RNGTT: variants seen among roughly 807,000 people sequenced by gnomAD.
RNGTT encodes the protein mRNA-capping enzyme.
A neutral mutation model predicts 79.3 loss-of-function variants in RNGTT; 33 were observed. The observed-to-expected ratio is 0.42, with a 90% CI of 0.32 to 0.56. The LOEUF (loss-of-function observed/expected upper bound fraction) is 0.56. RNGTT is among the 20% of genes least tolerant of loss of function. The pLI, the probability that RNGTT is intolerant of heterozygous loss-of-function variation, is 0.17. For missense variants in RNGTT, 497 were observed against 739.1 expected (o/e 0.67, Z 3.80); for synonymous variants, 222 against 235.9 (o/e 0.94, Z 0.54).
chr6:88,814,124 T>C (rs1780235957), intron 11 of RNGTT, among the ~76,000 whole-genome samples: 1 of 152,104 alleles, frequency 6.6e-6, no homozygotes, highest in African/African-American at 2.4e-5. Flanking sequence ...GTTAGAGAAG[T>C]TTAAAAGTTG....
intron 13 of RNGTT, among the ~76,000 whole-genome samples, chr6:88,709,551 T>C (rs1160470048): frequency 6.6e-6 from 1 of 152,210 alleles, no homozygotes; most frequent in Non-Finnish European, 1.5e-5. Context: ...AGCACATATA[T>C]AATTTTAGAT....
intron 13 of RNGTT, among the ~76,000 whole-genome samples, chr6:88,769,256 G>A (rs182448521): frequency 2.0e-5 from 3 of 152,122 alleles, no homozygotes; most frequent in Admixed American, 6.5e-5. Flanking sequence ...TGCCTCCCAG[G>A]CTCAAACAAT....
At chr6:88,864,052 GT>G (rs1782093557) in intron 8 of RNGTT, among the ~76,000 whole-genome samples, 1 of 152,064 alleles carries the variant, frequency 6.6e-6, no homozygotes, top group African/African-American at 2.4e-5. Flanking sequence ...GTATATGTCT[GT>G]TTCTAAGCCC....
intron 13 of RNGTT, among the ~76,000 whole-genome samples, chr6:88,726,556 G>A (rs1430836260): frequency 1.3e-5 from 2 of 150,250 alleles, no homozygotes; most frequent in Non-Finnish European, 3.0e-5. Context: ...ACAAAGGTCC[G>A]ACCAAACCTA....
At chr6:88,953,363 G>A (rs35588031) in intron 1 of RNGTT, among the ~76,000 whole-genome samples, 8,796 of 152,100 alleles carry the variant, frequency 0.058, 349 homozygotes, top group Middle Eastern at 0.12. Context: ...AGAACAAGTA[G>A]AAGAAAGTAC....
intron 11 of RNGTT, among the ~76,000 whole-genome samples, chr6:88,817,178 C>A (rs903043634): frequency 4.6e-5 from 7 of 152,100 alleles, no homozygotes; most frequent in African/African-American, 1.7e-4. Context: ...TTCATTTAAA[C>A]CCCTTTCTTC....
At chr6:88,755,137 T>A (rs1448635956) in intron 13 of RNGTT, among the ~76,000 whole-genome samples, 1 of 152,196 alleles carries the variant, frequency 6.6e-6, no homozygotes, top group Admixed American at 6.5e-5. Flanking sequence ...GAATTCTATA[T>A]CCAGGTAAGA....
intron 13 of RNGTT, among the ~76,000 whole-genome samples, chr6:88,739,725 T>TTATAGATATATATA (rs1777405867): frequency 1.1e-5 from 1 of 94,152 alleles, no homozygotes; most frequent in South Asian, 3.7e-4. Context: ...GTGAAAAAAA[T>TTATAGATATATATA]TATATATATA....
At chr6:88,775,081 C>T (rs1013020411) in intron 12 of RNGTT, among the ~76,000 whole-genome samples, 3 of 152,052 alleles carry the variant, frequency 2.0e-5, no homozygotes, top group African/African-American at 7.2e-5. Context: ...AATTGGAATG[C>T]ATTTACTCAA....
chr6:88,752,442 T>C (rs1192416861), intron 13 of RNGTT, among the ~76,000 whole-genome samples: 1 of 152,094 alleles, frequency 6.6e-6, no homozygotes, highest in African/African-American at 2.4e-5. Flanking sequence ...ATAAATACTT[T>C]AGGCTAAATC....
chr6:88,762,249 C>T (rs1385457316), intron 13 of RNGTT, among the ~76,000 whole-genome samples: 2 of 152,128 alleles, frequency 1.3e-5, no homozygotes, highest in East Asian at 1.9e-4. Flanking sequence ...AAACGAATTT[C>T]CACATTGGCT....
chr6:88,827,464 C>T (rs923698688), intron 11 of RNGTT, among the ~76,000 whole-genome samples: 3 of 152,028 alleles, frequency 2.0e-5, no homozygotes, highest in Non-Finnish European at 2.9e-5. Flanking sequence ...ACTAGGTGGC[C>T]GTTTGGGCAG....
chr6:88,744,393 C>G (rs1269561891), intron 13 of RNGTT, among the ~76,000 whole-genome samples: 2 of 152,082 alleles, frequency 1.3e-5, no homozygotes, highest in Admixed American at 1.3e-4. Flanking sequence ...TCCAGAGTAG[C>G]TAAGACTACA....
chr6:88,898,862 CAA>C (rs34986773), intron 6 of RNGTT, among the ~76,000 whole-genome samples: 20 of 110,268 alleles, frequency 1.8e-4, no homozygotes, highest in South Asian at 8.0e-4. Flanking sequence ...TTATATTTTA[CAA>C]AAAAAAAAAA....
intron 8 of RNGTT, among the ~76,000 whole-genome samples, chr6:88,863,031 G>C (rs998459709): frequency 1.3e-5 from 2 of 152,098 alleles, no homozygotes; most frequent in African/African-American, 4.8e-5. Flanking sequence ...GACTGATTAT[G>C]GCTTTATGGT....
At chr6:88,771,254 C>T (rs1374918279) in intron 12 of RNGTT, among the ~76,000 whole-genome samples, 1 of 143,044 alleles carries the variant, frequency 7.0e-6, no homozygotes, top group Non-Finnish European at 1.5e-5. Context: ...ATACAAACTA[C>T]TTCAGCTTAT....
chr6:88,813,023 T>C (rs562332502), intron 11 of RNGTT, among the ~76,000 whole-genome samples: 1 of 152,320 alleles, frequency 6.6e-6, no homozygotes, highest in Admixed American at 6.5e-5. Flanking sequence ...ACACTTTACA[T>C]ATTTTAACTT....
chr6:88,797,895 C>T (rs1019566917), intron 12 of RNGTT, among the ~76,000 whole-genome samples: 2 of 127,714 alleles, frequency 1.6e-5, no homozygotes, highest in African/African-American at 3.1e-5. Flanking sequence ...AAATACAAAA[C>T]CAAAAAAGAA....
intron 14 of RNGTT, among the ~76,000 whole-genome samples, chr6:88,627,260 T>C (rs1772669071): frequency 6.6e-6 from 1 of 152,146 alleles, no homozygotes; most frequent in African/African-American, 2.4e-5. Flanking sequence ...TTTTAATGAT[T>C]ATTAAATATC....
Sources: allele counts gnomAD v4.1 joint callset (sites outside exome capture counted in the v4.1 genomes callset), GRCh38; gene constraint gnomAD v4.1.1; transcripts MANE v1.5; gene names NCBI Gene and HGNC (gene_info 2026-07-23, HGNC 2026-07-21).